The following IER2 variants were observed in gnomAD, a reference collection of about 807,000 sequenced individuals.
IER2 encodes the protein immediate early response gene 2 protein.
For synonymous variants in IER2, 198 were observed against 149.6 expected, an observed-to-expected ratio of 1.32 and a Z score of -2.36; for missense variants, 372 against 325.4, an observed-to-expected ratio of 1.14 and a Z score of -1.10.
rs1285159359 is a variant in IER2, at chr19:13,154,023, G to T, written c.*165G>T. On this transcript the variant is annotated 3_prime_UTR_variant, in exon 2 of 2. Coordinates refer to ENST00000292433, the MANE Select transcript of IER2 (RefSeq NM_004907.3). ...GCTGAGAGGCCCGGAGAGGGACTCT[G>T]TCCCCGGGGAGCCATCGCCTTCAGT... is the stretch of plus-strand genomic sequence containing the variant. 1.7e-6 allele frequency: 1 copy of T among 604,592 alleles called. No homozygotes were observed. The highest frequency in any genetic ancestry group is 2.7e-6 in the Non-Finnish European group (1 of 364,902). The allele number at this position is 604,592 out of a possible 1,614,324, so 37.5% of individuals were successfully genotyped here. A position where few individuals can be genotyped will look rare whatever the true frequency, so the allele number is the denominator to read the frequency against.
chr19:13,152,929 T>A lies in IER2; in HGVS notation c.-243-15T>A. On this transcript the variant is annotated splice_polypyrimidine_tract_variant and intron_variant, in intron 1 of 1. Transcript: ENST00000292433. ...CCCTTTCCCTGCTGGGTAAATCGCA[T>A]TCTGTCTCTTTAAGGAGTGTTTGGC... 3.1e-6 allele frequency: 1 copy of A among 318,032 alleles called. No homozygotes were observed. Among genetic ancestry groups the A allele is most frequent in the African/African-American group, 2.1e-5 (1 of 46,852 alleles). 19.7% of individuals were successfully genotyped at this position (318,032 alleles called of 1,614,324 possible). A position where few individuals can be genotyped will look rare whatever the true frequency, so the allele number is the denominator to read the frequency against.
rs973568156 is a variant in IER2, at chr19:13,151,746, C to G, written c.-244+1194C>G. Among the ~76,000 whole-genome samples the G allele has an allele frequency of 5.9e-5, 9 of 152,182 alleles. No homozygotes were observed. In the East Asian group the frequency reaches 1.7e-3, roughly 29 times the overall value. ...CTGGGGCTCCAGCCTGCTCCGGCTG[C>G]CCGGGTCGGGGATGGGGAGGGGCGT... On this transcript the variant is annotated intron_variant, in intron 1 of 1. Coordinates refer to ENST00000292433, the MANE Select transcript of IER2 (RefSeq NM_004907.3).
At position 13,150,498 on chromosome 19, in the gene IER2, C is replaced by T; in HGVS notation, c.-298C>T. The T allele has an allele frequency of 3.3e-6, 1 of 302,830 alleles. No individual in the cohort carries two copies. The highest frequency in any genetic ancestry group is 4.4e-5 in the South Asian group (1 of 22,798). The allele number at this position is 302,830 out of a possible 1,614,324, so 18.8% of individuals were successfully genotyped here. A position where few individuals can be genotyped will look rare whatever the true frequency, so the allele number is the denominator to read the frequency against. On this transcript the variant is annotated 5_prime_UTR_variant, in exon 1 of 2. Coordinates refer to ENST00000292433, the MANE Select transcript of IER2 (RefSeq NM_004907.3). This position sits in a 1 kb window ranked among gnomAD's most constrained non-coding sequence, Gnocchi z 4.0. Reference sequence around the variant, plus strand: ...GAGTTCGGAATTTCGGTTCAAGGCCCAGTTCCTCGGATTGTTCCTGCGCAA... The same window carrying T: ...GAGTTCGGAATTTCGGTTCAAGGCCTAGTTCCTCGGATTGTTCCTGCGCAA...
intron 1 of IER2, among the ~76,000 whole-genome samples, chr19:13,151,680 TCTC>T (rs1361768928): frequency 1.3e-5 from 2 of 152,008 alleles, no homozygotes; most frequent in Non-Finnish European, 2.9e-5. Flanking sequence ...GAAGTGAAAC[TCTC>T]CTCTTCCCCC....
chr19:13,153,160 C>T lies in IER2; in HGVS notation c.-27C>T, dbSNP rs879529850. On this transcript the variant is annotated 5_prime_UTR_variant, in exon 2 of 2. Transcript: ENST00000292433. Reference sequence around the variant, plus strand: ...TGCCTGTTCTGTCCCTCCCGGGAGCCCCCGCCGCTGTCGCCGTCGAGTCGC... The same window carrying T: ...TGCCTGTTCTGTCCCTCCCGGGAGCTCCCGCCGCTGTCGCCGTCGAGTCGC... 1 of 1,484,752 alleles carries T rather than the reference C, an allele frequency of 6.7e-7. No individual in the cohort carries two copies. Among genetic ancestry groups the T allele is most frequent in the Non-Finnish European group, 9.0e-7 (1 of 1,117,186 alleles). The allele number at this position is 1,484,752 out of a possible 1,614,324, so 92.0% of individuals were successfully genotyped here. A position where few individuals can be genotyped will look rare whatever the true frequency, so the allele number is the denominator to read the frequency against.
rs964111593 is a variant in IER2, at chr19:13,154,522, C to T, written c.*664C>T. 2.4e-5 allele frequency: 4 copies of T among 167,458 alleles called. No homozygotes were observed. Among genetic ancestry groups the T allele is most frequent in the African/African-American group, 9.6e-5 (4 of 41,454 alleles). The allele number at this position is 167,458 out of a possible 1,614,324, so 10.4% of individuals were successfully genotyped here. On this transcript the variant is annotated 3_prime_UTR_variant, in exon 2 of 2. Transcript: ENST00000292433. The stretch of plus-strand genomic sequence containing the variant: ...ACCCCCGCGTGCTGCTGGTTAATGT[C>T]CCGCGTCTCTGCACCTTCGGGTGGG...
intron 1 of IER2, chr19:13,152,423 C>T (rs2020077837): frequency 6.6e-6 from 1 of 152,276 alleles, no homozygotes; most frequent in South Asian, 2.1e-4. Flanking sequence ...GCCCCAGTGG[C>T]CCCCTTTCAC....
In IER2 at chr19:13,150,713, G is replaced by A. The variant is rs1027266863; in HGVS notation, c.-244+161G>A. Reference sequence around the variant, plus strand: ...TGTCAGGTTTGGCTAGGGTCTGGGGGAGAGGTGGTCCTCCCTTCTCCCTGC... The same window carrying A: ...TGTCAGGTTTGGCTAGGGTCTGGGGAAGAGGTGGTCCTCCCTTCTCCCTGC... On this transcript the variant is annotated intron_variant, in intron 1 of 1. Coordinates refer to ENST00000292433, the MANE Select transcript of IER2 (RefSeq NM_004907.3). This position sits in a 1 kb window ranked among gnomAD's most constrained non-coding sequence, Gnocchi z 4.0. 2.0e-5 allele frequency among the ~76,000 whole-genome samples: 3 copies of A among 152,210 alleles called. No homozygotes were observed. The highest frequency in any genetic ancestry group is 2.9e-5 in the Non-Finnish European group (2 of 68,032).
In IER2 at chr19:13,153,910, C is replaced by T. The variant is rs2020099109; in HGVS notation, c.*52C>T. 2.9e-6 allele frequency: 4 copies of T among 1,380,892 alleles called. No individual in the cohort carries two copies. The highest frequency in any genetic ancestry group is 2.9e-5 in the East Asian group (1 of 34,248). The allele number at this position is 1,380,892 out of a possible 1,614,324, so 85.5% of individuals were successfully genotyped here. A position where few individuals can be genotyped will look rare whatever the true frequency, so the allele number is the denominator to read the frequency against. The stretch of plus-strand genomic sequence containing the variant: ...CAGAGCGCGCGTCGAACCGTCGGCC[C>T]GAGGGCGCAGACCTGAGGCGAGGCC... On this transcript the variant is annotated 3_prime_UTR_variant, in exon 2 of 2. Coordinates refer to ENST00000292433, the MANE Select transcript of IER2 (RefSeq NM_004907.3).
In IER2 at chr19:13,154,503, G is replaced by A. The variant is rs1488080232; in HGVS notation, c.*645G>A. 6.6e-5 allele frequency: 11 copies of A among 167,396 alleles called. No individual in the cohort carries two copies. The allele number at this position is 167,396 out of a possible 1,614,324, so 10.4% of individuals were successfully genotyped here. ...GAGTGGCCTGAGTTACTTCACCCCC[G>A]CGTGCTGCTGGTTAATGTCCCGCGT... is the stretch of plus-strand genomic sequence containing the variant. On this transcript the variant is annotated 3_prime_UTR_variant, in exon 2 of 2. Coordinates refer to ENST00000292433, the MANE Select transcript of IER2 (RefSeq NM_004907.3).
Position 13,153,076 on chromosome 19 carries a change from T to C in IER2, c.-111T>C. The C allele has an allele frequency of 1.3e-6, 1 of 764,034 alleles. No individual in the cohort carries two copies. The highest frequency in any genetic ancestry group is 2.0e-6 in the Non-Finnish European group (1 of 503,022). The allele number at this position is 764,034 out of a possible 1,614,324, so 47.3% of individuals were successfully genotyped here. ...GGGCAGAGCGTCCTAGCAGTGTCAC[T>C]GCGTGGGTTGGTTTGTGTAGAGAGG... On this transcript the variant is annotated 5_prime_UTR_variant, in exon 2 of 2. Transcript: ENST00000292433.
Position 13,153,435 on chromosome 19 carries a change from A to G in IER2, c.249A>G (p.Thr83=). 6.3e-7 allele frequency: 1 copy of G among 1,593,286 alleles called. No homozygotes were observed. The highest frequency in any genetic ancestry group is 8.5e-7 in the Non-Finnish European group (1 of 1,172,388). The change falls in exon 2 of 2, where the codon ACA becomes ACG. Residue 83 remains threonine, a synonymous_variant. Coordinates refer to ENST00000292433, the MANE Select transcript of IER2 (RefSeq NM_004907.3). ...GAGAAGCCGAGTCCACGGCCGAGACAGCGACCCCCGACGGTGAGCACCCGT... is the reference window on the plus strand; with the variant it reads ...GAGAAGCCGAGTCCACGGCCGAGACGGCGACCCCCGACGGTGAGCACCCGT... ...PPREAESTAE[T]ATPDGEHPFP... is the part of the protein sequence containing the mutation.
chr19:13,153,906 G>A lies in IER2; in HGVS notation c.*48G>A, dbSNP rs1447875546. On this transcript the variant is annotated 3_prime_UTR_variant, in exon 2 of 2. Transcript: ENST00000292433. ...AGCCCAGAGCGCGCGTCGAACCGTC[G>A]GCCCGAGGGCGCAGACCTGAGGCGA... 2 of 1,383,438 alleles carry A rather than the reference G, an allele frequency of 1.4e-6. No homozygotes were observed. Among genetic ancestry groups the A allele is most frequent in the African/African-American group, 1.5e-5 (1 of 64,824 alleles). The allele number at this position is 1,383,438 out of a possible 1,614,324, so 85.7% of individuals were successfully genotyped here. A position where few individuals can be genotyped will look rare whatever the true frequency, so the allele number is the denominator to read the frequency against.
At position 13,153,386 on chromosome 19, in the gene IER2, C is replaced by G; in HGVS notation, c.200C>G (p.Ser67Cys). 3 of 1,591,042 alleles carry G rather than the reference C, an allele frequency of 1.9e-6. No homozygotes were observed. The highest frequency in any genetic ancestry group is 2.6e-6 in the Non-Finnish European group (3 of 1,171,284). Residue 67 changes from serine to cysteine, a missense_variant, in exon 2 of 2, where the codon TCT (serine) becomes TGT (cysteine). Physicochemically the swap from Ser to Cys is moderately radical, Grantham distance 112. Transcript: ENST00000292433. Reference sequence around the variant, plus strand: ...GTGTCGTTGCCGGCCGCCCTCCCCTCTGACCCTCGCCTGCACCCGCCCCGA... The same window carrying G: ...GTGTCGTTGCCGGCCGCCCTCCCCTGTGACCCTCGCCTGCACCCGCCCCGA... ...PEVSLPAALP[S>C]DPRLHPPREA...
At position 13,153,936 on chromosome 19, in the gene IER2, A is replaced by AC. The variant is rs1176769739; in HGVS notation, c.*84dup. ...GAGGGCGCAGACCTGAGGCGAGGCCACCCCCCTCCATCCTGGGGGAAGCGC... is the reference window on the plus strand; with the variant it reads ...GAGGGCGCAGACCTGAGGCGAGGCCACCCCCCCTCCATCCTGGGGGAAGCGC... On this transcript the variant is annotated 3_prime_UTR_variant, in exon 2 of 2. Coordinates refer to ENST00000292433, the MANE Select transcript of IER2 (RefSeq NM_004907.3). The AC allele has an allele frequency of 4.8e-6, 6 of 1,255,854 alleles. No individual in the cohort carries two copies. Among genetic ancestry groups the AC allele is most frequent in the Non-Finnish European group, 3.1e-6 (3 of 954,498 alleles). The allele number at this position is 1,255,854 out of a possible 1,614,324, so 77.8% of individuals were successfully genotyped here.
Position 13,153,471 on chromosome 19 carries a change from A to C in IER2, c.285A>C (p.Pro95=). 9.4e-6 allele frequency: 15 copies of C among 1,594,230 alleles called. No homozygotes were observed. The highest frequency in any genetic ancestry group is 1.3e-5 in the Non-Finnish European group (15 of 1,171,722). ...TPDGEHPFPE[P]MDTQEAPTAE... Reference sequence around the variant, plus strand: ...ACGGTGAGCACCCGTTTCCGGAGCCAATGGACACGCAGGAGGCGCCGACAG... The same window carrying C: ...ACGGTGAGCACCCGTTTCCGGAGCCCATGGACACGCAGGAGGCGCCGACAG... Residue 95 remains proline (P), a synonymous_variant, in exon 2 of 2, where the codon CCA becomes CCC. Coordinates refer to ENST00000292433, the MANE Select transcript of IER2 (RefSeq NM_004907.3).
Position 13,153,987 on chromosome 19 carries a change from C to T in IER2, c.*129C>T. ...CCGCGAAAACCGTGGAGAGAAGCCG[C>T]CGCCCGGGCTGCTGAGAGGCCCGGA... On this transcript the variant is annotated 3_prime_UTR_variant, in exon 2 of 2. Transcript: ENST00000292433. 1 of 794,088 alleles carries T rather than the reference C, an allele frequency of 1.3e-6. No individual in the cohort carries two copies. The highest frequency in any genetic ancestry group is 3.3e-5 in the East Asian group (1 of 30,414). The allele number at this position is 794,088 out of a possible 1,614,324, so 49.2% of individuals were successfully genotyped here.
chr19:13,153,316 C>T lies in IER2; in HGVS notation c.130C>T (p.Arg44Trp). ...LQLSLVMRSA[R>W]ELYLSAKVEA... Reference sequence around the variant, plus strand: ...GCTGTCGCTGGTCATGCGCAGCGCCCGGGAGCTCTACCTCTCGGCCAAGGT... The same window carrying T: ...GCTGTCGCTGGTCATGCGCAGCGCCTGGGAGCTCTACCTCTCGGCCAAGGT... The change falls in exon 2 of 2, where the codon CGG becomes TGG. Residue 44 changes from arginine to tryptophan, a missense_variant. Coordinates refer to ENST00000292433, the MANE Select transcript of IER2 (RefSeq NM_004907.3). 3 of 1,603,048 alleles carry T rather than the reference C, an allele frequency of 1.9e-6. No individual in the cohort carries two copies. The highest frequency in any genetic ancestry group is 2.6e-6 in the Non-Finnish European group (3 of 1,175,538).
intron 1 of IER2, among the ~76,000 whole-genome samples, chr19:13,151,525 G>A (rs980352453): frequency 2.0e-5 from 3 of 151,880 alleles, no homozygotes; most frequent in Non-Finnish European, 4.4e-5. Flanking sequence ...ATGGGATGAA[G>A]GGGGCCTCAG....
Sources: gnomAD v4.1 joint callset for allele counts (sites outside exome capture counted in the v4.1 genomes callset) on GRCh38, gnomAD v4.1.1 for gene constraint, Gnocchi (gnomAD v3.1) non-coding constraint, MANE v1.5 for transcripts, NCBI Gene and HGNC (gene_info 2026-07-23, HGNC 2026-07-21) for gene names.